Variants in GUCY2C observed in about 807,000 individuals in gnomAD.
GUCY2C encodes guanylate cyclase 2C, also known as guanylyl cyclase C.
Under a neutral mutation model 131.1 loss-of-function variants are expected in GUCY2C, and 118 were observed. The observed-to-expected ratio is 0.90, with a 90% CI of 0.78 to 1.05. GUCY2C has a LOEUF of 1.05. Ranked by LOEUF, GUCY2C falls within the 50% of genes least tolerant of loss-of-function variation. GUCY2C has a pLI of 0.00. For synonymous variants in GUCY2C, 452 were observed against 457.8 expected (o/e 0.99, Z 0.16); for missense variants, 1,161 against 1,304.4 (o/e 0.89, Z 1.69).
chr12:14,685,864 G>A (rs995862301), intron 3 of GUCY2C, among the ~76,000 whole-genome samples: 3 of 151,934 alleles, frequency 2.0e-5, no homozygotes, highest in Admixed American at 6.6e-5. Flanking sequence ...TTTATTAAAC[G>A]CCTCAAATTA....
intron 15 of GUCY2C, among the ~76,000 whole-genome samples, chr12:14,650,871 G>A (rs1238355511): frequency 1.3e-5 from 2 of 152,100 alleles, no homozygotes; most frequent in Non-Finnish European, 2.9e-5. Flanking sequence ...TTTTCTTGGA[G>A]GGTAGATTTG....
chr12:14,695,563 T>C lies in GUCY2C; in HGVS notation c.217+669A>G, dbSNP rs1193150228. On this transcript the variant is annotated intron_variant, in intron 1 of 26. Coordinates refer to ENST00000261170, the MANE Select transcript of GUCY2C (RefSeq NM_004963.4). ...TTGCAGTGAGCCGAGATCGTGCCAC[T>C]GCACTCCAGCCTGGGTGACAGAGTG... Among the ~76,000 whole-genome samples the C allele has an allele frequency of 3.7e-5, 5 of 135,998 alleles. No homozygotes were observed. In the South Asian group the frequency reaches 9.2e-4, roughly 25 times the overall value. 89.2% of individuals were successfully genotyped at this position (135,998 alleles called of 152,430 possible).
In GUCY2C at chr12:14,656,592, G is replaced by A. The variant is rs756518777; in HGVS notation, c.1390C>T (p.Arg464Cys). The A allele has an allele frequency of 3.9e-5, 62 of 1,581,736 alleles. No homozygotes were observed. The highest frequency in any genetic ancestry group is 4.6e-5 in the Non-Finnish European group (53 of 1,150,856). Residue 464 changes from arginine to cysteine, a missense_variant, in exon 12 of 27, where the codon CGT becomes TGT. Transcript: ENST00000261170. ...LRKYRKDYEL[R>C]QKKWSHIPPE... is the part of the protein sequence containing the mutation. ...GGAATGTGGGACCATTTTTTCTGACGAAGTTCATAATCTTTTCTATATTTT... is the reference window on the plus strand; with the variant it reads ...GGAATGTGGGACCATTTTTTCTGACAAAGTTCATAATCTTTTCTATATTTT...
chr12:14,658,426 C>T (rs540658794), intron 11 of GUCY2C, among the ~76,000 whole-genome samples: 4 of 152,300 alleles, frequency 2.6e-5, no homozygotes, highest in South Asian at 2.1e-4. Context: ...CCTATAATCC[C>T]AGTACATTGG....
At chr12:14,616,137 C>A (rs1269247932) in intron 25 of GUCY2C, among the ~76,000 whole-genome samples, 1 of 152,038 alleles carries the variant, frequency 6.6e-6, no homozygotes, top group Non-Finnish European at 1.5e-5. Flanking sequence ...AGAGTGTCCA[C>A]ACATCTGCAT....
rs1343742542 is a variant in GUCY2C, at chr12:14,622,165, A to G, written c.2441T>C (p.Phe814Ser). 3 of 1,581,128 alleles carry G rather than the reference A, an allele frequency of 1.9e-6. No homozygotes were observed. The highest frequency in any genetic ancestry group is 1.9e-5 in the Admixed American group (1 of 52,612). The change falls in exon 22 of 27, where the codon TTT (phenylalanine) becomes TCT (serine). Residue 814 changes from phenylalanine to serine, a missense_variant. By Grantham distance (155) the Phe-to-Ser change is radical. Coordinates refer to ENST00000261170, the MANE Select transcript of GUCY2C (RefSeq NM_004963.4). ...TTCCTCATATAGTTCCGGCTCCACAAAGCCTTTCTCCTTCAGAGACTTTAC... is the reference window on the plus strand; with the variant it reads ...TTCCTCATATAGTTCCGGCTCCACAGAGCCTTTCTCCTTCAGAGACTTTAC... ...LVVKSLKEKG[F>S]VEPELYEEVT... is the part of the protein sequence containing the mutation.
chr12:14,632,938 C>A (rs1012600550), intron 19 of GUCY2C, among the ~76,000 whole-genome samples: 1 of 152,200 alleles, frequency 6.6e-6, no homozygotes, highest in Non-Finnish European at 1.5e-5. Flanking sequence ...GCCTGCCCAG[C>A]CTGTCACAGC....
chr12:14,618,588 G>T (rs1048045031), intron 24 of GUCY2C, among the ~76,000 whole-genome samples: 3 of 152,100 alleles, frequency 2.0e-5, no homozygotes, highest in Non-Finnish European at 4.4e-5. Context: ...ACTCCTTGAG[G>T]TCAGGAGTTT....
intron 1 of GUCY2C, 88 bp from the exon 2 acceptor site, chr12:14,688,151 G>A (rs1205568595): frequency 8.4e-6 from 7 of 837,562 alleles, no homozygotes; most frequent in Non-Finnish European, 1.2e-5. Context: ...GGGAAAAAAT[G>A]GATATCCATT....
At chr12:14,654,065 AG>A (rs1347193912) in intron 12 of GUCY2C, among the ~76,000 whole-genome samples, 2 of 152,326 alleles carry the variant, frequency 1.3e-5, no homozygotes, top group East Asian at 3.9e-4. Context: ...AAATGAGACA[AG>A]GTTTGTGAAA....
rs755301901 is a variant in GUCY2C, at chr12:14,683,220, C to G, written c.433G>C (p.Gly145Arg). 1.9e-6 allele frequency: 3 copies of G among 1,613,514 alleles called. No individual in the cohort carries two copies. Among genetic ancestry groups the G allele is most frequent in the Non-Finnish European group, 2.5e-6 (3 of 1,179,568 alleles). ...TAGTCACATGACAATCCAAAACTTC[C>G]AGCTGAGATCATGGGGTAGCTCAAT... ...TELSYPMISA[G>R]SFGLSCDYKE... The change falls in exon 4 of 27, where the codon GGA becomes CGA. Residue 145 changes from glycine to arginine, a missense_variant. Transcript: ENST00000261170.
chr12:14,664,869 C>CATTCATTT (rs1282855329), intron 10 of GUCY2C, among the ~76,000 whole-genome samples: 1 of 152,072 alleles, frequency 6.6e-6, no homozygotes, highest in Non-Finnish European at 1.5e-5. Context: ...TTCATTCATT[C>CATTCATTT]ATTCATTTAT....
intron 3 of GUCY2C, among the ~76,000 whole-genome samples, chr12:14,683,944 A>T (rs117711046): frequency 6.6e-6 from 1 of 152,124 alleles, no homozygotes; most frequent in African/African-American, 2.4e-5. Flanking sequence ...TCACCCCAGC[A>T]TCATACCATT....
In GUCY2C at chr12:14,613,431, A is replaced by T. The variant is rs1408527376; in HGVS notation, c.3048-140T>A. 1 of 678,848 alleles carries T rather than the reference A, an allele frequency of 1.5e-6. No individual in the cohort carries two copies. Among genetic ancestry groups the T allele is most frequent in the Non-Finnish European group, 2.6e-6 (1 of 388,380 alleles). 42.1% of individuals were successfully genotyped at this position (678,848 alleles called of 1,614,324 possible). A position where few individuals can be genotyped will look rare whatever the true frequency, so the allele number is the denominator to read the frequency against. ...GCTAGACACAGGAAATCCAAAGAAT[A>T]CAAAATGATCCCTGCCTTTGATGAG... On this transcript the variant is annotated intron_variant, in intron 26 of 26. Transcript: ENST00000261170. This position sits in a 1 kb window ranked among gnomAD's most constrained non-coding sequence, Gnocchi z 4.9.
chr12:14,647,046 C>G (rs1947536700), intron 15 of GUCY2C, among the ~76,000 whole-genome samples: 1 of 151,936 alleles, frequency 6.6e-6, no homozygotes, highest in African/African-American at 2.4e-5. Flanking sequence ...TGAAGGGAGG[C>G]AAGAGTTTTG....
intron 24 of GUCY2C, 131 bp downstream of exon 24, chr12:14,619,080 C>G (rs922101503): frequency 1.4e-5 from 8 of 575,124 alleles, no homozygotes; most frequent in African/African-American, 1.3e-4. Context: ...GGTTTGTGTT[C>G]AGCTAATGTG....
At position 14,643,761 on chromosome 12, in the gene GUCY2C, A is replaced by G. The variant is rs1947456956; in HGVS notation, c.1798-55T>C. The G allele has an allele frequency of 2.6e-6, 4 of 1,525,826 alleles. No homozygotes were observed. The African/African-American group carries it at 5.6e-5, about 21-fold the overall frequency. The allele number at this position is 1,525,826 out of a possible 1,614,324, so 94.5% of individuals were successfully genotyped here. On this transcript the variant is annotated intron_variant, in intron 16 of 26. Coordinates refer to ENST00000261170, the MANE Select transcript of GUCY2C (RefSeq NM_004963.4). ...AAATGTGACACACTTCAGCTGCTTG[A>G]TTATTTTAAAGAAAAAAGTGACATT...
At chr12:14,633,241 C>T (rs73312027) in intron 19 of GUCY2C, among the ~76,000 whole-genome samples, 7,828 of 152,242 alleles carry the variant, frequency 0.051, 663 homozygotes, top group African/African-American at 0.18. Flanking sequence ...TTCCAGTCTT[C>T]AACAAAACGT....
intron 18 of GUCY2C, among the ~76,000 whole-genome samples, 185 bp from the exon 19 acceptor site, chr12:14,640,135 C>G (rs1947363797): frequency 6.6e-6 from 1 of 152,074 alleles, no homozygotes; most frequent in South Asian, 2.1e-4. Context: ...GTGAAAGGGT[C>G]TCATCCCACT....
Sources: gnomAD v4.1 joint callset for allele counts (sites outside exome capture counted in the v4.1 genomes callset) on GRCh38, gnomAD v4.1.1 for gene constraint, Gnocchi (gnomAD v3.1) non-coding constraint, MANE v1.5 for transcripts, NCBI Gene and HGNC (gene_info 2026-07-23, HGNC 2026-07-21) for gene names.